The following ZC3H11A variants were observed in gnomAD, a reference collection of about 807,000 sequenced individuals.
ZC3H11A encodes zinc finger CCCH-type containing 11A, also known as zinc finger CCCH domain-containing protein 11A.
In ZC3H11A, 22 loss-of-function variants were observed where a neutral mutation model predicts 90.8. The observed-to-expected ratio is 0.24, with a 90% CI of 0.17 to 0.35. The LOEUF (loss-of-function observed/expected upper bound fraction) is 0.35. Among genes scored for constraint, ZC3H11A ranks in the 10% least tolerant of loss-of-function variants. ZC3H11A has a pLI of 1.00. For missense variants in ZC3H11A, 701 were observed against 964.9 expected (o/e 0.73, Z 3.62); for synonymous variants, 294 against 339.8 (o/e 0.87, Z 1.48).
chr1:203,829,438 T>C lies in ZC3H11A; in HGVS notation c.299-13T>C. On this transcript the variant is annotated splice_polypyrimidine_tract_variant and intron_variant, in intron 5 of 17. Coordinates refer to ENST00000367210, the MANE Select transcript of ZC3H11A (RefSeq NM_001376342.1). ...CTTCTGTTTTTAATTTATGACTGAT[T>C]TTGTGCGTTTAGCTGTGTTGCCCAC... 6.2e-7 allele frequency: 1 copy of C among 1,613,814 alleles called. No individual in the cohort carries two copies. The highest frequency in any genetic ancestry group is 1.7e-5 in the Admixed American group (1 of 60,004).
chr1:203,840,772 T>TA (rs1408163189), intron 12 of ZC3H11A, among the ~76,000 whole-genome samples: 1 of 152,038 alleles, frequency 6.6e-6, no homozygotes, highest in African/African-American at 2.4e-5. Context: ...TAGCTAGAAT[T>TA]ACAGGCGTAC....
intron 4 of ZC3H11A, among the ~76,000 whole-genome samples, chr1:203,821,581 C>T (rs1213310293): frequency 6.6e-6 from 1 of 152,094 alleles, no homozygotes; most frequent in Non-Finnish European, 1.5e-5. Flanking sequence ...TACTTCAGCC[C>T]TGTATTCGGC....
chr1:203,829,358 A>C (rs1043816289), intron 5 of ZC3H11A, 93 bp from the exon 6 acceptor site: 2 of 1,273,156 alleles, frequency 1.6e-6, no homozygotes, highest in Non-Finnish European at 2.3e-6. Flanking sequence ...TCATAAGACA[A>C]ATACACTATA....
chr1:203,809,739 A>C (rs553156128), intron 2 of ZC3H11A, among the ~76,000 whole-genome samples: 49 of 152,088 alleles, frequency 3.2e-4, no homozygotes, highest in African/African-American at 1.2e-3. Flanking sequence ...AGATCACTTG[A>C]GGTCAGGAGT....
At chr1:203,796,368 A>G (rs939133523) in intron 1 of ZC3H11A, 1 of 398,782 alleles carries the variant, frequency 2.5e-6, no homozygotes, top group Non-Finnish European at 4.4e-6. Context: ...TCCTACACCC[A>G]TTCCCCACTC....
chr1:203,807,563 G>A (rs374426662), intron 2 of ZC3H11A, among the ~76,000 whole-genome samples: 1 of 149,712 alleles, frequency 6.7e-6, no homozygotes, highest in Middle Eastern at 3.5e-3. Flanking sequence ...GTCTCGCTCT[G>A]CCTCCCAGGC....
chr1:203,837,284 C>T (rs1377262219), intron 10 of ZC3H11A, among the ~76,000 whole-genome samples: 1 of 80,708 alleles, frequency 1.2e-5, no homozygotes, highest in African/African-American at 4.7e-5. Flanking sequence ...GAGTGAGATC[C>T]TGTCTCAAAA....
At chr1:203,796,319 A>C (rs538535697) in intron 1 of ZC3H11A, 1 of 398,240 alleles carries the variant, frequency 2.5e-6, no homozygotes, top group East Asian at 3.6e-5. Context: ...AGCTTGTCTC[A>C]AACTCCACAT....
At chr1:203,816,041 C>T (rs4951259) in intron 2 of ZC3H11A, among the ~76,000 whole-genome samples, 19,210 of 152,156 alleles carry the variant, frequency 0.13, 1,598 homozygotes, top group East Asian at 0.29. Flanking sequence ...TCTTCATTAA[C>T]GTAAGCTAGA....
chr1:203,846,475 A>C (rs913487612), intron 12 of ZC3H11A, among the ~76,000 whole-genome samples: 1 of 152,186 alleles, frequency 6.6e-6, no homozygotes, highest in Non-Finnish European at 1.5e-5. Flanking sequence ...CTTGTAGACA[A>C]GTGTAGGTGT....
intron 4 of ZC3H11A, among the ~76,000 whole-genome samples, chr1:203,819,836 C>T (rs1677897844): frequency 6.6e-6 from 1 of 151,714 alleles, no homozygotes; most frequent in South Asian, 2.1e-4. Flanking sequence ...GCCCAGCCGA[C>T]TCCAGCAATT....
At position 203,850,497 on chromosome 1, in the gene ZC3H11A, A is replaced by G. The variant is rs1409011784; in HGVS notation, c.1940-18A>G. 6.2e-7 allele frequency: 1 copy of G among 1,613,760 alleles called. No homozygotes were observed. Among genetic ancestry groups the G allele is most frequent in the African/African-American group, 1.3e-5 (1 of 74,902 alleles). The stretch of plus-strand genomic sequence containing the variant: ...AGTCTATTCTCACTGCTTATCAGAT[A>G]TTTTCTGCCCTTTGTAGCTAAACCC... On this transcript the variant is annotated intron_variant, in intron 15 of 17. Coordinates refer to ENST00000367210, the MANE Select transcript of ZC3H11A (RefSeq NM_001376342.1).
intron 4 of ZC3H11A, among the ~76,000 whole-genome samples, chr1:203,827,902 G>A (rs969951488): frequency 5.9e-5 from 9 of 152,058 alleles, no homozygotes; most frequent in Admixed American, 3.9e-4. Context: ...ATTTATTCCC[G>A]TTTTATAGCT....
chr1:203,826,037 A>C (rs1160512425), intron 4 of ZC3H11A, among the ~76,000 whole-genome samples: 1 of 152,224 alleles, frequency 6.6e-6, no homozygotes, highest in East Asian at 1.9e-4. Flanking sequence ...CTTCCAGGAA[A>C]GATGTAAAAT....
chr1:203,821,280 C>G (rs952876894), intron 4 of ZC3H11A, among the ~76,000 whole-genome samples: 1 of 152,138 alleles, frequency 6.6e-6, no homozygotes, highest in Non-Finnish European at 1.5e-5. Flanking sequence ...CTGAAGCCTC[C>G]CCAGCCATGC....
chr1:203,837,448 GTC>G (rs1330575339), intron 10 of ZC3H11A, among the ~76,000 whole-genome samples: 1 of 149,064 alleles, frequency 6.7e-6, no homozygotes, highest in Non-Finnish European at 1.5e-5. Flanking sequence ...TCTTTCCCTT[GTC>G]TCTCTTTTTT....
chr1:203,835,149 T>G (rs1038222727), intron 10 of ZC3H11A, among the ~76,000 whole-genome samples: 1 of 152,250 alleles, frequency 6.6e-6, no homozygotes, highest in Non-Finnish European at 1.5e-5. Flanking sequence ...GAATCAGTTA[T>G]GCACTTTACG....
intron 16 of ZC3H11A, 24 bp downstream of exon 16, chr1:203,850,705 G>C (rs1206694646): frequency 6.2e-7 from 1 of 1,607,232 alleles, no homozygotes; most frequent in Non-Finnish European, 8.5e-7. Context: ...TCACTTTGTG[G>C]TGCTTTATTC....
chr1:203,806,956 C>G (rs1247457954), intron 2 of ZC3H11A, among the ~76,000 whole-genome samples: 1 of 146,090 alleles, frequency 6.8e-6, no homozygotes, highest in Admixed American at 6.8e-5. Context: ...TTGTTTTTTA[C>G]CCCTTTTACT....
Sources: allele counts gnomAD v4.1 joint callset (sites outside exome capture counted in the v4.1 genomes callset), GRCh38; gene constraint gnomAD v4.1.1; transcripts MANE v1.5; gene names NCBI Gene and HGNC (gene_info 2026-07-23, HGNC 2026-07-21).